Variants in CSMD3 observed in about 807,000 individuals in gnomAD.
The protein encoded by CSMD3 is CUB and Sushi multiple domains 3, also known as CUB and sushi domain-containing protein 3.
In CSMD3, 177 loss-of-function variants were observed where a neutral mutation model predicts 435.2. The observed-to-expected ratio is 0.41, with a 90% CI of 0.36 to 0.46. The LOEUF (loss-of-function observed/expected upper bound fraction) is 0.46, where lower values mean the gene tolerates loss of function less well. CSMD3 is among the 20% of genes least tolerant of loss of function. CSMD3 has a pLI of 0.34. For missense variants in CSMD3, 4,265 were observed against 4,504.6 expected (o/e 0.95, Z 1.52); for synonymous variants, 1,656 against 1,520.5 (o/e 1.09, Z -2.07).
chr8:112,876,373 C>A (rs1266017409), intron 10 of CSMD3, among the ~76,000 whole-genome samples: 2 of 151,544 alleles, frequency 1.3e-5, no homozygotes, highest in Non-Finnish European at 2.9e-5. Flanking sequence ...AGAGACACAA[C>A]AAAAAAAAAG....
chr8:112,975,755 A>T, intron 7 of CSMD3, 82 bp downstream of exon 7: 1 of 1,604,152 alleles, frequency 6.2e-7, no homozygotes, highest in Non-Finnish European at 8.5e-7. Flanking sequence ...GCTCTCTTTC[A>T]GCTCATTCTC....
rs187104374 is a variant in CSMD3 at position 112,584,318 on chromosome 8, C to T, written c.3885+2748G>A. On this transcript the variant is annotated intron_variant, in intron 23 of 70. Coordinates refer to ENST00000297405, the MANE Select transcript of CSMD3 (RefSeq NM_198123.2). ...TGAATCAGAAAACCTGGGAGGCGTG[C>T]CAGTAATCAAAACTTAAAAAAAATC... Among the ~76,000 whole-genome samples, 20 of 151,556 alleles carry T rather than the reference C, an allele frequency of 1.3e-4. No homozygotes were observed. In the East Asian group the frequency reaches 3.7e-3, roughly 28 times the overall value.
intron 32 of CSMD3, among the ~76,000 whole-genome samples, chr8:112,421,487 T>C (rs1812490686): frequency 6.6e-6 from 1 of 151,036 alleles, no homozygotes; most frequent in South Asian, 2.1e-4. Flanking sequence ...CAGGTTGTAG[T>C]GAGCCAAGAT....
intron 3 of CSMD3, among the ~76,000 whole-genome samples, chr8:113,238,575 G>A (rs2093176360): frequency 6.6e-6 from 1 of 152,100 alleles, no homozygotes; most frequent in African/African-American, 2.4e-5. Context: ...TAGCAACCAA[G>A]TAGGTGCTTT....
At chr8:113,236,502 A>C (rs2093151379) in intron 3 of CSMD3, among the ~76,000 whole-genome samples, 1 of 152,078 alleles carries the variant, frequency 6.6e-6, no homozygotes, top group Non-Finnish European at 1.5e-5. Context: ...TCCACTCTAT[A>C]GTGCTCTCTG....
At chr8:113,049,732 T>A (rs2088003157) in intron 5 of CSMD3, among the ~76,000 whole-genome samples, 1 of 152,210 alleles carries the variant, frequency 6.6e-6, no homozygotes. Flanking sequence ...TTAAAAATGA[T>A]CTTAGAAAGG....
intron 30 of CSMD3, among the ~76,000 whole-genome samples, chr8:112,494,100 G>A (rs1054198551): frequency 2.0e-5 from 3 of 152,014 alleles, no homozygotes; most frequent in Non-Finnish European, 4.4e-5. Flanking sequence ...AGTTTGCAAG[G>A]AGTTTAATGT....
chr8:112,355,566 G>A (rs147012170), intron 38 of CSMD3, among the ~76,000 whole-genome samples: 2 of 152,310 alleles, frequency 1.3e-5, no homozygotes, highest in East Asian at 3.9e-4. Context: ...GTGCGTGGTG[G>A]CTCATGCCTG....
At chr8:112,525,849 T>C (rs1171637548) in intron 27 of CSMD3, among the ~76,000 whole-genome samples, 3 of 139,540 alleles carry the variant, frequency 2.1e-5, no homozygotes, top group East Asian at 4.1e-4. Context: ...ATATACAGGG[T>C]CTTTATATAT....
At chr8:112,649,617 G>A (rs2075071024) in intron 19 of CSMD3, among the ~76,000 whole-genome samples, 1 of 152,098 alleles carries the variant, frequency 6.6e-6, no homozygotes, top group South Asian at 2.1e-4. Context: ...GAAAAATGAA[G>A]CACTTCTGAC....
chr8:112,936,536 G>T (rs979422367), intron 9 of CSMD3, among the ~76,000 whole-genome samples: 8 of 151,952 alleles, frequency 5.3e-5, no homozygotes, highest in Non-Finnish European at 1.2e-4. Context: ...TTGCATATAG[G>T]TTTTCTTTAT....
At chr8:112,725,730 TTTTTTTCC>T (rs2076950620) in intron 13 of CSMD3, among the ~76,000 whole-genome samples, 1 of 151,852 alleles carries the variant, frequency 6.6e-6, no homozygotes, top group African/African-American at 2.4e-5. Flanking sequence ...ATCCGAAGGA[TTTTTTTCC>T]AATTAACTGT....
intron 3 of CSMD3, among the ~76,000 whole-genome samples, chr8:113,247,559 A>C (rs191675162): frequency 2.0e-5 from 3 of 152,240 alleles, no homozygotes; most frequent in Admixed American, 2.0e-4. Flanking sequence ...GAAAGTCATT[A>C]ATTTTCAGAG....
At chr8:112,448,996 T>C (rs1162712949) in intron 32 of CSMD3, among the ~76,000 whole-genome samples, 1 of 152,184 alleles carries the variant, frequency 6.6e-6, no homozygotes, top group African/African-American at 2.4e-5. Flanking sequence ...TTTTGTTTGC[T>C]ACTCTAGTTC....
At chr8:112,573,749 CT>C in intron 23 of CSMD3, 92 bp from the exon 24 acceptor site, 2 of 1,051,974 alleles carry the variant, frequency 1.9e-6, no homozygotes, top group Admixed American at 2.1e-5. Flanking sequence ...GAAAAGTGTA[CT>C]TTTTCTAAAT....
chr8:113,205,731 C>A (rs1256668421), intron 3 of CSMD3, among the ~76,000 whole-genome samples: 1 of 152,062 alleles, frequency 6.6e-6, no homozygotes, highest in Non-Finnish European at 1.5e-5. Context: ...TATTCTATAA[C>A]CTCCCTCCTG....
intron 2 of CSMD3, among the ~76,000 whole-genome samples, chr8:113,301,603 T>A (rs1243486774): frequency 2.0e-5 from 3 of 152,028 alleles, no homozygotes. Flanking sequence ...TTAGTTCTTC[T>A]ATCTGTCCTG....
intron 9 of CSMD3, among the ~76,000 whole-genome samples, chr8:112,941,671 G>A (rs1587722576): frequency 1.3e-5 from 2 of 151,822 alleles, no homozygotes; most frequent in African/African-American, 2.4e-5. Context: ...ACATGCTAGA[G>A]AAAGATTTTA....
rs182224929 is a variant in CSMD3 at position 113,051,591 on chromosome 8, C to T, written c.918-32412G>A. On this transcript the variant is annotated intron_variant, in intron 5 of 70. Coordinates refer to ENST00000297405, the MANE Select transcript of CSMD3 (RefSeq NM_198123.2). ...GAATATACAAACAGATATTTGTTGACCACCTACAATGTAAATACATATTTG... is the reference window on the plus strand; with the variant it reads ...GAATATACAAACAGATATTTGTTGATCACCTACAATGTAAATACATATTTG... Among the ~76,000 whole-genome samples the T allele has an allele frequency of 6.7e-3, 1,021 of 152,188 alleles. 7 individuals carry two copies. Among genetic ancestry groups the T allele is most frequent in the Middle Eastern group, 0.02 (6 of 294 alleles).
Sources: allele counts gnomAD v4.1 joint callset (sites outside exome capture counted in the v4.1 genomes callset), GRCh38; gene constraint gnomAD v4.1.1; transcripts MANE v1.5; gene names NCBI Gene and HGNC (gene_info 2026-07-23, HGNC 2026-07-21).